Variants in ITPR2 observed in about 807,000 individuals in gnomAD.
The protein encoded by ITPR2 is inositol 1,4,5-trisphosphate-gated calcium channel ITPR2.
Under a neutral mutation model 317.1 loss-of-function variants are expected in ITPR2, and 207 were observed. The observed-to-expected ratio is 0.65, with a 90% CI of 0.58 to 0.73. ITPR2 has a LOEUF of 0.73. ITPR2 is among the 30% of genes least tolerant of loss of function. The probability of loss-of-function intolerance (pLI) is 0.00; values close to 1 mark genes in which losing one functional copy is unlikely to be tolerated. For missense variants in ITPR2, 2,613 were observed against 3,284.0 expected, an observed-to-expected ratio of 0.80 and a Z score of 4.99; for synonymous variants, 1,156 against 1,149.1, an observed-to-expected ratio of 1.01 and a Z score of -0.12.
rs373741910 is a variant in ITPR2 at position 26,528,319 on chromosome 12, G to T, written c.5073+21928C>A. ...AACTGTTCGAAATAGAACCACAAAG[G>T]ATGTTGGATTTTTGTTTAGAGCTAC... On this transcript the variant is annotated intron_variant, in intron 37 of 56. Transcript: ENST00000381340. Among the ~76,000 whole-genome samples, 17 of 152,302 alleles carry T rather than the reference G, an allele frequency of 1.1e-4. 1 individual carries two copies. Among genetic ancestry groups the T allele is most frequent in the African/African-American group, 4.1e-4 (17 of 41,554 alleles).
intron 55 of ITPR2, among the ~76,000 whole-genome samples, chr12:26,378,286 G>A (rs1223896123): frequency 6.6e-6 from 1 of 151,464 alleles, no homozygotes; most frequent in Non-Finnish European, 1.5e-5. Flanking sequence ...CATGCAAAGA[G>A]CCAGAGGACC....
intron 25 of ITPR2, among the ~76,000 whole-genome samples, chr12:26,621,820 C>G (rs11610617): frequency 6.6e-6 from 1 of 151,828 alleles, no homozygotes; most frequent in Non-Finnish European, 1.5e-5. Flanking sequence ...ATTCAAAGAC[C>G]ACAAAGAAAA....
chr12:26,452,454 C>T (rs888530386), intron 45 of ITPR2, among the ~76,000 whole-genome samples: 1 of 152,096 alleles, frequency 6.6e-6, no homozygotes, highest in Non-Finnish European at 1.5e-5. Flanking sequence ...ATTTGTCACT[C>T]ATAGCTTCTA....
chr12:26,674,269 G>A (rs1947857143), intron 13 of ITPR2, among the ~76,000 whole-genome samples: 1 of 151,968 alleles, frequency 6.6e-6, no homozygotes, highest in African/African-American at 2.4e-5. Context: ...CAAAGCTGGA[G>A]GCATCACGCT....
In ITPR2 at chr12:26,772,514, AATACATTATTATATATAATACATGTAT is replaced by A. The variant is rs1339009938; in HGVS notation, c.163+17616_163+17642del. Reference sequence around the variant, plus strand: ...TACATATAATACATGTATTATATATAATACATTATTATATATAATACATGTATTATATATATAATACATGTATTATAT... The same window carrying A: ...TACATATAATACATGTATTATATATATATATATATAATACATGTATTATAT... On this transcript the variant is annotated intron_variant, in intron 2 of 56. Coordinates refer to ENST00000381340, the MANE Select transcript of ITPR2 (RefSeq NM_002223.4). 6.7e-4 allele frequency among the ~76,000 whole-genome samples: 72 copies of A among 107,090 alleles called. 2 individuals carry two copies. The highest frequency in any genetic ancestry group is 4.2e-3 in the Middle Eastern group (1 of 240). The allele number at this position is 107,090 out of a possible 152,430, so 70.3% of individuals were successfully genotyped here. A position where few individuals can be genotyped will look rare whatever the true frequency, so the allele number is the denominator to read the frequency against.
At chr12:26,494,123 A>G in intron 39 of ITPR2, 30 bp downstream of exon 39, 1 of 1,526,558 alleles carries the variant, frequency 6.6e-7, no homozygotes, top group Non-Finnish European at 8.9e-7. Flanking sequence ...CCAATAATAA[A>G]TGTAATCCCC....
chr12:26,544,627 T>C (rs1446464183), intron 37 of ITPR2, among the ~76,000 whole-genome samples: 5 of 121,188 alleles, frequency 4.1e-5, no homozygotes, highest in Admixed American at 8.3e-5. Flanking sequence ...CACACACACA[T>C]ACACCACTTC....
intron 34 of ITPR2, among the ~76,000 whole-genome samples, chr12:26,567,992 AT>A (rs1287364985): frequency 1.9e-4 from 1 of 5,372 alleles, no homozygotes; most frequent in African/African-American, 4.5e-4. Flanking sequence ...ATATATATAT[AT>A]ATATTATATA....
intron 21 of ITPR2, among the ~76,000 whole-genome samples, chr12:26,639,585 A>G (rs1281872658): frequency 6.6e-6 from 1 of 151,160 alleles, no homozygotes; most frequent in Non-Finnish European, 1.5e-5. Context: ...TCGTCATTTA[A>G]CATTAGGTAT....
chr12:26,470,706 G>A (rs1395252744), intron 45 of ITPR2, among the ~76,000 whole-genome samples: 1 of 152,018 alleles, frequency 6.6e-6, no homozygotes, highest in Admixed American at 6.6e-5. Context: ...TTAGGATTCA[G>A]TAAGACAAGC....
chr12:26,725,940 A>C (rs576368185), intron 2 of ITPR2, 175 bp from the exon 3 acceptor site: 28 of 499,012 alleles, frequency 5.6e-5, no homozygotes, highest in African/African-American at 4.7e-4. Flanking sequence ...TTTTCAAATA[A>C]TTATCTAGAC....
chr12:26,357,343 TG>T (rs1325816561), intron 55 of ITPR2, among the ~76,000 whole-genome samples: 1 of 152,180 alleles, frequency 6.6e-6, no homozygotes, highest in Non-Finnish European at 1.5e-5. Context: ...CTCTGGATAC[TG>T]GGGCTTGGTT....
intron 11 of ITPR2, among the ~76,000 whole-genome samples, chr12:26,685,379 C>T (rs559513642): frequency 3.3e-5 from 5 of 152,160 alleles, no homozygotes; most frequent in African/African-American, 7.2e-5. Flanking sequence ...GTGGATCCCT[C>T]GAGCCCAGGA....
intron 1 of ITPR2, among the ~76,000 whole-genome samples, chr12:26,812,055 C>T (rs1431841435): frequency 6.7e-6 from 1 of 150,060 alleles, no homozygotes; most frequent in East Asian, 2.0e-4. Context: ...CCCTGCTACT[C>T]GGGAGGCTGA....
intron 26 of ITPR2, among the ~76,000 whole-genome samples, chr12:26,611,546 G>A (rs1264129193): frequency 2.0e-5 from 3 of 152,114 alleles, no homozygotes; most frequent in Non-Finnish European, 4.4e-5. Flanking sequence ...CTGGGTGACA[G>A]AGCGAGACCC....
chr12:26,784,721 GC>G (rs947639389), intron 2 of ITPR2, among the ~76,000 whole-genome samples: 1 of 151,230 alleles, frequency 6.6e-6, no homozygotes, highest in Admixed American at 6.6e-5. Context: ...GCCTGCCTTG[GC>G]CCCCCAAAGT....
At chr12:26,669,060 A>G (rs1440467640) in intron 13 of ITPR2, among the ~76,000 whole-genome samples, 2 of 152,152 alleles carry the variant, frequency 1.3e-5, no homozygotes, top group Non-Finnish European at 2.9e-5. Context: ...TCAAGGCTGC[A>G]GTGAGCTGTG....
At chr12:26,447,915 T>G (rs576303498) in intron 45 of ITPR2, among the ~76,000 whole-genome samples, 6 of 151,644 alleles carry the variant, frequency 4.0e-5, no homozygotes, top group Admixed American at 3.9e-4. Context: ...CAACCAAAGA[T>G]ATTCGATTGT....
At chr12:26,584,888 AATATCTGAGGTG>A (rs1007526087) in intron 32 of ITPR2, among the ~76,000 whole-genome samples, 2 of 152,228 alleles carry the variant, frequency 1.3e-5, no homozygotes, top group Admixed American at 6.5e-5. Context: ...TGTTCCTCTA[AATATCTGAGGTG>A]ATATCTCATA....
Sources: gnomAD v4.1 joint callset for allele counts (sites outside exome capture counted in the v4.1 genomes callset) on GRCh38, gnomAD v4.1.1 for gene constraint, MANE v1.5 for transcripts, NCBI Gene and HGNC (gene_info 2026-07-23, HGNC 2026-07-21) for gene names.